Variants in MEGF11 observed in about 807,000 individuals in gnomAD.
MEGF11 encodes the protein multiple EGF like domains 11.
MEGF11 carries 126 observed loss-of-function variants against 146.6 expected under a neutral mutation model. The ratio of observed to expected loss-of-function variants is 0.86; its 90% CI spans 0.74 to 1.00. The LOEUF is 1.00. Among genes scored for constraint, MEGF11 ranks in the 50% least tolerant of loss-of-function variants. The probability of loss-of-function intolerance (pLI) is 0.00; values close to 1 mark genes in which losing one functional copy is unlikely to be tolerated. For missense variants in MEGF11, 1,509 were observed against 1,521.2 expected, an observed-to-expected ratio of 0.99 and a Z score of 0.13; for synonymous variants, 532 against 583.4, an observed-to-expected ratio of 0.91 and a Z score of 1.27.
intron 5 of MEGF11, among the ~76,000 whole-genome samples, chr15:66,061,798 G>A (rs1048983909): frequency 2.0e-5 from 3 of 152,118 alleles, no homozygotes; most frequent in African/African-American, 7.2e-5. Flanking sequence ...AGCACACCCA[G>A]CTAATTTTTT....
chr15:65,966,759 C>T (rs2141581962), intron 8 of MEGF11, among the ~76,000 whole-genome samples: 1 of 152,218 alleles, frequency 6.6e-6, no homozygotes, highest in South Asian at 2.1e-4. Flanking sequence ...AATTATTCAA[C>T]TTCATTTAAC....
chr15:65,951,440 A>C (rs1404990727), intron 10 of MEGF11, among the ~76,000 whole-genome samples: 4 of 152,216 alleles, frequency 2.6e-5, no homozygotes, highest in Non-Finnish European at 5.9e-5. Context: ...TAATCCCAGC[A>C]CTTTGTGAGG....
intron 15 of MEGF11, among the ~76,000 whole-genome samples, chr15:65,921,205 A>G (rs1215559057): frequency 6.6e-6 from 1 of 152,246 alleles, no homozygotes; most frequent in African/African-American, 2.4e-5. Flanking sequence ...GCTCTCAGTC[A>G]ACAGAAGTAT....
At chr15:66,105,325 G>A (rs1354176710) in intron 4 of MEGF11, among the ~76,000 whole-genome samples, 1 of 152,104 alleles carries the variant, frequency 6.6e-6, no homozygotes, top group East Asian at 1.9e-4. Context: ...GGAGAAGGAG[G>A]CCCTGCCTGG....
intron 8 of MEGF11, among the ~76,000 whole-genome samples, chr15:65,965,768 A>G (rs746254366): frequency 2.6e-5 from 4 of 151,766 alleles, no homozygotes; most frequent in Non-Finnish European, 4.4e-5. Context: ...GTGAGAATCA[A>G]TGTCCATTGT....
At chr15:65,948,926 T>C (rs772220152) in intron 10 of MEGF11, among the ~76,000 whole-genome samples, 18 of 152,296 alleles carry the variant, frequency 1.2e-4, no homozygotes, top group Middle Eastern at 3.4e-3. Flanking sequence ...AGAGGATGAA[T>C]TCCTCATTCC....
At chr15:66,204,706 A>G (rs1050772704) in intron 1 of MEGF11, among the ~76,000 whole-genome samples, 1 of 152,224 alleles carries the variant, frequency 6.6e-6, no homozygotes, top group African/African-American at 2.4e-5. Context: ...CTCCATCAAC[A>G]TTCATTCTTG....
At chr15:66,007,428 C>A (rs1299328454) in intron 5 of MEGF11, among the ~76,000 whole-genome samples, 1 of 152,154 alleles carries the variant, frequency 6.6e-6, no homozygotes, top group Non-Finnish European at 1.5e-5. Flanking sequence ...TCCCTGTGTG[C>A]ATGCTAGGGT....
chr15:66,049,305 G>A (rs1014960617), intron 5 of MEGF11, among the ~76,000 whole-genome samples: 15 of 152,146 alleles, frequency 9.9e-5, no homozygotes, highest in African/African-American at 3.4e-4. Context: ...AAATTGCATC[G>A]TACCTGGGGC....
chr15:65,924,945 A>G (rs940902253), intron 13 of MEGF11, among the ~76,000 whole-genome samples: 4 of 152,104 alleles, frequency 2.6e-5, no homozygotes, highest in African/African-American at 7.2e-5. Context: ...TCTTTTGCCT[A>G]TGGTTGTTGG....
intron 5 of MEGF11, among the ~76,000 whole-genome samples, chr15:66,054,144 C>T (rs1287709062): frequency 6.6e-6 from 1 of 152,150 alleles, no homozygotes; most frequent in Non-Finnish European, 1.5e-5. Context: ...TCCCTGAAGC[C>T]TTCCTGGCAG....
chr15:65,995,157 G>A (rs566999304), intron 5 of MEGF11, among the ~76,000 whole-genome samples: 39 of 152,326 alleles, frequency 2.6e-4, no homozygotes, highest in African/African-American at 5.1e-4. Flanking sequence ...TGGAGGGGCC[G>A]GTAAGAGCAC....
At chr15:66,230,453 G>A (rs1396811161) in intron 1 of MEGF11, among the ~76,000 whole-genome samples, 1 of 152,158 alleles carries the variant, frequency 6.6e-6, no homozygotes, top group Non-Finnish European at 1.5e-5. Context: ...GGGCATTTTT[G>A]GTGATGTGAC....
chr15:66,218,075 T>C (rs1298773142), intron 1 of MEGF11, among the ~76,000 whole-genome samples: 2 of 152,162 alleles, frequency 1.3e-5, no homozygotes, highest in Non-Finnish European at 2.9e-5. Context: ...ATTGGGAGCC[T>C]CTTTCTTTCA....
chr15:66,053,746 G>GA (rs2084559476), intron 5 of MEGF11, among the ~76,000 whole-genome samples: 1 of 56,030 alleles, frequency 1.8e-5, no homozygotes, highest in Non-Finnish European at 3.3e-5. Context: ...TTTTTTTTTT[G>GA]AGACAAGGTC....
intron 5 of MEGF11, among the ~76,000 whole-genome samples, chr15:66,028,743 T>C (rs761627856): frequency 4.6e-5 from 7 of 152,160 alleles, no homozygotes; most frequent in Non-Finnish European, 8.8e-5. Flanking sequence ...CTATGTTATG[T>C]GGAAAAAATG....
chr15:66,073,570 G>C (rs754074954), intron 5 of MEGF11, among the ~76,000 whole-genome samples: 1 of 152,164 alleles, frequency 6.6e-6, no homozygotes. Flanking sequence ...GGATCTAACA[G>C]ATCACTCTCT....
intron 7 of MEGF11, 53 bp downstream of exon 7, chr15:65,980,725 T>C: frequency 6.6e-7 from 1 of 1,521,592 alleles, no homozygotes. Context: ...TATGTGTGAG[T>C]GATGAAGGCT....
At chr15:65,931,055 G>C in intron 10 of MEGF11, 112 bp from the exon 11 acceptor site, 1 of 1,269,004 alleles carries the variant, frequency 7.9e-7, no homozygotes, top group Non-Finnish European at 1.0e-6. Flanking sequence ...CTAATCCCTG[G>C]GATCTGTGAA....
Sources: allele counts gnomAD v4.1 joint callset (sites outside exome capture counted in the v4.1 genomes callset), GRCh38; gene constraint gnomAD v4.1.1; transcripts MANE v1.5; gene names NCBI Gene and HGNC (gene_info 2026-07-23, HGNC 2026-07-21).